The following ABCB5 variants were observed in gnomAD, a reference collection of about 807,000 sequenced individuals.
The protein encoded by ABCB5 is ATP binding cassette subfamily B member 5.
Under a neutral mutation model 144.2 loss-of-function variants are expected in ABCB5, and 155 were observed. That is an observed-to-expected ratio of 1.08 (90% CI 0.94 to 1.23). ABCB5 has a LOEUF of 1.23. Among genes scored for constraint, ABCB5 ranks in the 50% most tolerant of loss-of-function variants. ABCB5 has a pLI of 0.00. For missense variants in ABCB5, 1,830 were observed against 1,520.8 expected (o/e 1.20, Z -3.38); for synonymous variants, 610 against 528.6 (o/e 1.15, Z -2.11).
chr7:20,653,726 G>A (rs1254799045), intron 13 of ABCB5, among the ~76,000 whole-genome samples: 7 of 152,166 alleles, frequency 4.6e-5, no homozygotes, highest in Admixed American at 4.6e-4. Context: ...ATGAGGCAGG[G>A]GCAGAAGCCC....
intron 14 of ABCB5, chr7:20,659,875 G>C (rs1784944082): frequency 1.1e-6 from 1 of 906,456 alleles, no homozygotes; most frequent in African/African-American, 1.8e-5. Flanking sequence ...GTAGAGACAA[G>C]GTTTTGCCAT....
At position 20,752,822 on chromosome 7, in the gene ABCB5, G is replaced by A. The variant is rs145563830; in HGVS notation, c.3430-538G>A. Among the ~76,000 whole-genome samples, 247 of 152,244 alleles carry A rather than the reference G, an allele frequency of 1.6e-3. 3 individuals are homozygous for A. The highest frequency in any genetic ancestry group is 5.8e-3 in the African/African-American group (242 of 41,554). On this transcript the variant is annotated intron_variant, in intron 26 of 27. Transcript: ENST00000404938. ...GATTGCGCCACTGCACTCTAGACTG[G>A]GTAACAGAGCGAGACACGGTCTCAA... is the stretch of plus-strand genomic sequence containing the variant.
intron 23 of ABCB5, among the ~76,000 whole-genome samples, chr7:20,738,075 C>T (rs1301225392): frequency 3.3e-5 from 5 of 152,300 alleles, no homozygotes; most frequent in Non-Finnish European, 7.3e-5. Flanking sequence ...GGAGCCCAGA[C>T]GTGTTTACTT....
chr7:20,728,331 GCA>G lies in ABCB5; in HGVS notation c.2746_2747del (p.Gln916AspfsTer61). On this transcript the variant is annotated frameshift_variant, in exon 23 of 28. Coordinates refer to ENST00000404938, the MANE Select transcript of ABCB5 (RefSeq NM_001163941.2). LOFTEE classifies it high-confidence loss of function. ...ACATTCCAGAAATACCTCGAAGAAA[GCA>G]CAGATTATTGGAAGCTGTTATGCAT... ...QTQHRNTSKK[A>X]QIIGSCYAFS... The G allele has an allele frequency of 6.2e-7, 1 of 1,613,906 alleles. No individual in the cohort carries two copies. The highest frequency in any genetic ancestry group is 8.5e-7 in the Non-Finnish European group (1 of 1,179,918).
rs1232126599 is a variant in ABCB5, at chr7:20,748,581, T to A, written c.3429+3143T>A. 5.4e-5 allele frequency among the ~76,000 whole-genome samples: 7 copies of A among 129,522 alleles called. No individual in the cohort carries two copies. In the Admixed American group the frequency reaches 7.4e-4, roughly 14 times the overall value. 85.0% of individuals were successfully genotyped at this position (129,522 alleles called of 152,430 possible). ...AGGAGAATCACTTGAACCCGGGAGA[T>A]GGAGGTTGCAGTGAGCCAAGATCAT... On this transcript the variant is annotated intron_variant, in intron 26 of 27. Transcript: ENST00000404938.
intron 14 of ABCB5, chr7:20,667,165 G>A (rs529891885): frequency 2.2e-5 from 19 of 859,436 alleles, no homozygotes; most frequent in Admixed American, 1.8e-4. Flanking sequence ...TTTATTTGAT[G>A]CACTCAGATA....
At chr7:20,694,852 C>T (rs1786353992) in intron 16 of ABCB5, among the ~76,000 whole-genome samples, 1 of 151,344 alleles carries the variant, frequency 6.6e-6, no homozygotes, top group Non-Finnish European at 1.5e-5. Flanking sequence ...ACAATAGTAC[C>T]AAAATATTAA....
chr7:20,616,495 A>G (rs1783688209), intron 1 of ABCB5, among the ~76,000 whole-genome samples: 1 of 152,250 alleles, frequency 6.6e-6, no homozygotes, highest in Admixed American at 6.5e-5. Flanking sequence ...ATCTTGGTAC[A>G]TGAACCTAGA....
chr7:20,632,513 A>G (rs1784059180), intron 5 of ABCB5, among the ~76,000 whole-genome samples: 5 of 152,168 alleles, frequency 3.3e-5, no homozygotes. Context: ...ATTACTGGGT[A>G]TATACCCAAA....
intron 3 of ABCB5, among the ~76,000 whole-genome samples, chr7:20,627,689 C>CT (rs34730550): frequency 0.46 from 69,143 of 151,560 alleles, 16,608 homozygotes; most frequent in East Asian, 0.66. Context: ...CTTAAATATC[C>CT]TATTTACAGG....
In ABCB5 at chr7:20,712,158, C is replaced by CAAAAAAAAA. The variant is rs34938819; in HGVS notation, c.2421+7367_2421+7375dup. 2.6e-3 allele frequency among the ~76,000 whole-genome samples: 139 copies of CAAAAAAAAA among 52,646 alleles called. 5 individuals are homozygous for CAAAAAAAAA. Among genetic ancestry groups the CAAAAAAAAA allele is most frequent in the African/African-American group, 0.011 (135 of 12,228 alleles). The allele number at this position is 52,646 out of a possible 152,430, so 34.5% of individuals were successfully genotyped here. Reference sequence around the variant, plus strand: ...CCTGGGTGACACAGCAAGACGCCGTCAAAAAAAAAAAAAAAAAAAAAAAAG... The same window carrying CAAAAAAAAA: ...CCTGGGTGACACAGCAAGACGCCGTCAAAAAAAAAAAAAAAAAAAAAAAAAAAAAAAAAG... On this transcript the variant is annotated intron_variant, in intron 20 of 27. Transcript: ENST00000404938.
At chr7:20,659,466 C>G (rs1204935968) in intron 14 of ABCB5, 2 of 1,075,046 alleles carry the variant, frequency 1.9e-6, no homozygotes, top group Middle Eastern at 8.3e-4. Flanking sequence ...GAAACGGATA[C>G]TGGCAGGCTA....
intron 17 of ABCB5, 147 bp from the exon 18 acceptor site, chr7:20,699,678 G>T (rs1786546745): frequency 3.8e-6 from 2 of 524,840 alleles, no homozygotes; most frequent in Admixed American, 7.0e-5. Context: ...CTGCACTCCA[G>T]CCTGGGCGAC....
chr7:20,629,430 G>A (rs1783984025), intron 4 of ABCB5, among the ~76,000 whole-genome samples: 1 of 152,036 alleles, frequency 6.6e-6, no homozygotes, highest in African/African-American at 2.4e-5. Flanking sequence ...AAACGCTTGG[G>A]CCATCCCAGG....
At chr7:20,727,221 C>A (rs1443626444) in intron 22 of ABCB5, 81 bp downstream of exon 22, 2 of 896,604 alleles carry the variant, frequency 2.2e-6, no homozygotes, top group Non-Finnish European at 3.4e-6. Flanking sequence ...CAGTGGTTTG[C>A]CTGCTAATTC....
chr7:20,725,298 G>A lies in ABCB5; in HGVS notation c.2626-1742G>A, dbSNP rs572717000. On this transcript the variant is annotated intron_variant, in intron 21 of 27. Transcript: ENST00000404938. Reference sequence around the variant, plus strand: ...ACGTTTAGTTTTTAAGACTTTGAATGGGCCAGGTGCGCTGGCTTACGCCTG... The same window carrying A: ...ACGTTTAGTTTTTAAGACTTTGAATAGGCCAGGTGCGCTGGCTTACGCCTG... Among the ~76,000 whole-genome samples the A allele has an allele frequency of 2.0e-5, 3 of 152,270 alleles. No homozygotes were observed. The South Asian group carries it at 6.2e-4, about 32-fold the overall frequency.
At chr7:20,626,456 C>G in intron 2 of ABCB5, 101 bp from the exon 3 acceptor site, 1 of 927,200 alleles carries the variant, frequency 1.1e-6, no homozygotes. Context: ...TATAAATTTG[C>G]TACCAAGGTG....
At chr7:20,724,260 T>G (rs1781962113) in intron 21 of ABCB5, among the ~76,000 whole-genome samples, 1 of 152,064 alleles carries the variant, frequency 6.6e-6, no homozygotes, top group African/African-American at 2.4e-5. Context: ...TTCATCTTGG[T>G]AGAGGTCCAA....
At chr7:20,688,976 GAGA>G (rs1332979279) in intron 16 of ABCB5, among the ~76,000 whole-genome samples, 7 of 151,596 alleles carry the variant, frequency 4.6e-5, no homozygotes, top group Admixed American at 1.3e-4. Context: ...GTGGGGTGGG[GAGA>G]GGGGGGAGGG....
Sources: gnomAD v4.1 joint callset for allele counts (sites outside exome capture counted in the v4.1 genomes callset) on GRCh38, gnomAD v4.1.1 for gene constraint, MANE v1.5 for transcripts, NCBI Gene and HGNC (gene_info 2026-07-23, HGNC 2026-07-21) for gene names.